The following UNC5C variants were observed in gnomAD, a reference collection of about 807,000 sequenced individuals.
UNC5C encodes the protein unc-5 netrin receptor C.
In UNC5C, 47 loss-of-function variants were observed where a neutral mutation model predicts 99.8. The ratio of observed to expected loss-of-function variants is 0.47; its 90% CI spans 0.37 to 0.60. The LOEUF is 0.60. Among genes scored for constraint, UNC5C ranks in the 20% least tolerant of loss-of-function variants. UNC5C has a pLI of 0.00. For synonymous variants in UNC5C, 487 were observed against 452.2 expected (o/e 1.08, Z -0.98); for missense variants, 1,062 against 1,165.9 (o/e 0.91, Z 1.30).
At chr4:95,405,830 A>G (rs1321867641) in intron 1 of UNC5C, among the ~76,000 whole-genome samples, 2 of 152,120 alleles carry the variant, frequency 1.3e-5, no homozygotes, top group African/African-American at 4.8e-5. Flanking sequence ...CTTTACTATT[A>G]TTTGTGAATA....
At chr4:95,227,789 A>G (rs755687375) in intron 7 of UNC5C, among the ~76,000 whole-genome samples, 2 of 152,230 alleles carry the variant, frequency 1.3e-5, no homozygotes, top group African/African-American at 2.4e-5. Flanking sequence ...AATAAAACTG[A>G]CAATGTATAA....
chr4:95,382,356 C>G (rs1266689779), intron 1 of UNC5C, among the ~76,000 whole-genome samples: 1 of 151,714 alleles, frequency 6.6e-6, no homozygotes, highest in Non-Finnish European at 1.5e-5. Flanking sequence ...GCATGTACTC[C>G]CTGCTGCTCG....
Position 95,216,182 on chromosome 4 carries a change from T to C in UNC5C, c.1675A>G (p.Ile559Val). 2 of 1,613,634 alleles carry C rather than the reference T, an allele frequency of 1.2e-6. No individual in the cohort carries two copies. Among genetic ancestry groups the C allele is most frequent in the Non-Finnish European group, 1.7e-6 (2 of 1,179,916 alleles). ...ATTTCGTAGACTCTCCCTTGGGGAA[T>C]GGCCCCAGCGGGAATCAGCAAGCTG... Reference protein sequence around the residue: ...GVSLLIPAGAIPQGRVYEMYV... With the variant: ...GVSLLIPAGAVPQGRVYEMYV... Residue 559 changes from isoleucine to valine, a missense_variant, in exon 10 of 16, where the codon ATT (isoleucine) becomes GTT (valine). Transcript: ENST00000453304.
chr4:95,340,664 T>C (rs897506082), intron 1 of UNC5C, among the ~76,000 whole-genome samples: 2 of 150,766 alleles, frequency 1.3e-5, no homozygotes, highest in Non-Finnish European at 1.5e-5. Flanking sequence ...CAAAACAAAC[T>C]TTTTTTTGCT....
intron 1 of UNC5C, among the ~76,000 whole-genome samples, chr4:95,430,298 C>A (rs767431373): frequency 2.0e-5 from 3 of 152,016 alleles, no homozygotes; most frequent in Non-Finnish European, 4.4e-5. Flanking sequence ...ACCTCTCTCT[C>A]AAATTTGCTG....
intron 4 of UNC5C, among the ~76,000 whole-genome samples, chr4:95,266,878 T>C (rs1438318868): frequency 6.6e-6 from 1 of 152,224 alleles, no homozygotes; most frequent in Non-Finnish European, 1.5e-5. Context: ...TCACTAAATA[T>C]GGGATAAGTT....
chr4:95,515,986 T>A (rs1473967185), intron 1 of UNC5C, among the ~76,000 whole-genome samples: 1 of 152,204 alleles, frequency 6.6e-6, no homozygotes, highest in Admixed American at 6.5e-5. Flanking sequence ...TGTATGAATA[T>A]ATTAAATTTC....
At chr4:95,418,803 C>T (rs1201893228) in intron 1 of UNC5C, among the ~76,000 whole-genome samples, 1 of 152,058 alleles carries the variant, frequency 6.6e-6, no homozygotes, top group Non-Finnish European at 1.5e-5. Flanking sequence ...CAGAGAAGTC[C>T]CTGTTCTTCA....
intron 1 of UNC5C, among the ~76,000 whole-genome samples, chr4:95,361,787 C>G (rs1744400855): frequency 6.6e-6 from 1 of 152,114 alleles, no homozygotes; most frequent in South Asian, 2.1e-4. Flanking sequence ...TCAAAAAAAT[C>G]AAACTGCCTT....
At chr4:95,178,782 C>T (rs917664175) in intron 14 of UNC5C, among the ~76,000 whole-genome samples, 24 of 152,322 alleles carry the variant, frequency 1.6e-4, no homozygotes, top group Admixed American at 1.5e-3. Context: ...AAAGAACTCT[C>T]CTCAGCATTT....
At chr4:95,458,141 C>T (rs1335272700) in intron 1 of UNC5C, among the ~76,000 whole-genome samples, 1 of 152,202 alleles carries the variant, frequency 6.6e-6, no homozygotes, top group East Asian at 1.9e-4. Context: ...AGGCTCCAAG[C>T]TGCTCATTAT....
At chr4:95,183,897 C>T (rs553889880) in intron 13 of UNC5C, among the ~76,000 whole-genome samples, 1 of 152,306 alleles carries the variant, frequency 6.6e-6, no homozygotes, top group African/African-American at 2.4e-5. Context: ...CGTAGGTCTG[C>T]TGGGGTTAAA....
At chr4:95,199,121 G>A (rs7682415) in intron 12 of UNC5C, among the ~76,000 whole-genome samples, 6,247 of 152,220 alleles carry the variant, frequency 0.041, 181 homozygotes, top group Non-Finnish European at 0.065. Flanking sequence ...CAGGCCTGAA[G>A]GAGAAGGAGG....
chr4:95,440,550 T>A (rs1400099283), intron 1 of UNC5C, among the ~76,000 whole-genome samples: 2 of 152,222 alleles, frequency 1.3e-5, no homozygotes, highest in Admixed American at 6.5e-5. Context: ...TCTACTTACT[T>A]CTTTCCACTC....
At chr4:95,223,784 G>T (rs1355483680) in intron 7 of UNC5C, among the ~76,000 whole-genome samples, 1 of 152,078 alleles carries the variant, frequency 6.6e-6, no homozygotes, top group Non-Finnish European at 1.5e-5. Flanking sequence ...ACATACACAG[G>T]CTCTATTTTC....
In UNC5C at chr4:95,411,668, T is replaced by C. The variant is rs1279358465; in HGVS notation, c.125-76037A>G. 2.0e-5 allele frequency among the ~76,000 whole-genome samples: 3 copies of C among 152,222 alleles called. No individual in the cohort carries two copies. In the East Asian group the frequency reaches 5.8e-4, roughly 29 times the overall value. On this transcript the variant is annotated intron_variant, in intron 1 of 15. Transcript: ENST00000453304. The stretch of plus-strand genomic sequence containing the variant: ...TTTCACTGGAGGAAATTAGGCAGAT[T>C]AGAAATTCATAAATTGGATCGCAAT...
chr4:95,423,288 C>T (rs1259206544), intron 1 of UNC5C, among the ~76,000 whole-genome samples: 3 of 152,160 alleles, frequency 2.0e-5, no homozygotes, highest in Non-Finnish European at 4.4e-5. Flanking sequence ...AGTGCTTTGG[C>T]CATGCTGCCC....
intron 12 of UNC5C, among the ~76,000 whole-genome samples, chr4:95,188,291 G>A (rs560085443): frequency 6.6e-6 from 1 of 152,236 alleles, no homozygotes; most frequent in South Asian, 2.1e-4. Flanking sequence ...GTGGCAACTG[G>A]TATCGTTGCA....
At chr4:95,365,274 C>T (rs1579360539) in intron 1 of UNC5C, among the ~76,000 whole-genome samples, 1 of 113,522 alleles carries the variant, frequency 8.8e-6, no homozygotes, top group South Asian at 2.7e-4. Context: ...CCAGCCTGGG[C>T]AACAGAACAA....
Sources: gnomAD v4.1 joint callset for allele counts (sites outside exome capture counted in the v4.1 genomes callset) on GRCh38, gnomAD v4.1.1 for gene constraint, MANE v1.5 for transcripts, NCBI Gene and HGNC (gene_info 2026-07-23, HGNC 2026-07-21) for gene names.